TMEM248: variants seen among roughly 807,000 people sequenced by gnomAD.
TMEM248 encodes the protein transmembrane protein 248, also known as UPF0458 protein C7orf42.
A neutral mutation model predicts 30.3 loss-of-function variants in TMEM248; 9 were observed. That is an observed-to-expected ratio of 0.30 (90% CI 0.18 to 0.52). The LOEUF (loss-of-function observed/expected upper bound fraction) is 0.52, where lower values mean the gene tolerates loss of function less well. Ranked by LOEUF, TMEM248 falls within the 20% of genes least tolerant of loss-of-function variation. The pLI, the probability that TMEM248 is intolerant of heterozygous loss-of-function variation, is 0.97. For missense variants in TMEM248, 338 were observed against 403.3 expected (o/e 0.84, Z 1.39); for synonymous variants, 184 against 154.4 (o/e 1.19, Z -1.42).
chr7:66,940,769 A>T (rs1791925746), intron 1 of TMEM248, among the ~76,000 whole-genome samples: 1 of 152,206 alleles, frequency 6.6e-6, no homozygotes, highest in Admixed American at 6.5e-5. Context: ...CAGGGCTGGG[A>T]TGGCTGTGAG....
intron 1 of TMEM248, 82 bp from the exon 2 acceptor site, chr7:66,941,766 C>G (rs1791965699): frequency 7.5e-7 from 1 of 1,327,418 alleles, no homozygotes; most frequent in Non-Finnish European, 1.0e-6. Flanking sequence ...GCTCACCCCC[C>G]AACACCTCAA....
chr7:66,940,434 G>A (rs895952888), intron 1 of TMEM248, among the ~76,000 whole-genome samples: 6 of 152,184 alleles, frequency 3.9e-5, no homozygotes, highest in Non-Finnish European at 8.8e-5. Flanking sequence ...ATTCAAATAA[G>A]GAAGCTAAAT....
At chr7:66,927,219 T>C (rs1018481056) in intron 1 of TMEM248, among the ~76,000 whole-genome samples, 1 of 152,148 alleles carries the variant, frequency 6.6e-6, no homozygotes, top group Non-Finnish European at 1.5e-5. Context: ...TACCATGGTT[T>C]TATATCATGA....
At chr7:66,948,235 G>C (rs1182849842) in intron 3 of TMEM248, among the ~76,000 whole-genome samples, 1 of 152,222 alleles carries the variant, frequency 6.6e-6, no homozygotes, top group Non-Finnish European at 1.5e-5. Flanking sequence ...TGGCTAGACA[G>C]CTGTGCAGAA....
At chr7:66,954,857 G>A (rs574372818) in intron 6 of TMEM248, among the ~76,000 whole-genome samples, 17 of 152,148 alleles carry the variant, frequency 1.1e-4, no homozygotes, top group Non-Finnish European at 8.8e-5. Flanking sequence ...GCTATTAAAG[G>A]GAGTGACTTG....
chr7:66,931,143 A>T (rs1246278425), intron 1 of TMEM248, among the ~76,000 whole-genome samples: 1 of 152,000 alleles, frequency 6.6e-6, no homozygotes, highest in African/African-American at 2.4e-5. Context: ...TCTCTACTAA[A>T]AATATCAAAA....
At chr7:66,938,537 C>T (rs1791862589) in intron 1 of TMEM248, among the ~76,000 whole-genome samples, 1 of 152,130 alleles carries the variant, frequency 6.6e-6, no homozygotes, top group Non-Finnish European at 1.5e-5. Context: ...GAGATGGAGT[C>T]TCGCTCTATC....
chr7:66,953,308 C>A lies in TMEM248; in HGVS notation c.863C>A (p.Ala288Asp). The A allele has an allele frequency of 6.2e-7, 1 of 1,614,138 alleles. No individual in the cohort carries two copies. Among genetic ancestry groups the A allele is most frequent in the Non-Finnish European group, 8.5e-7 (1 of 1,180,016 alleles). Reference sequence around the variant, plus strand: ...ATGGTGATAACAATGTTTTGCTATGCTGTTATCAAGGGCAGACCTAGCAAA... The same window carrying A: ...ATGGTGATAACAATGTTTTGCTATGATGTTATCAAGGGCAGACCTAGCAAA... ...FVMVITMFCY[A>D]VIKGRPSKLR... Residue 288 changes from alanine to aspartate, a missense_variant, in exon 6 of 7, where the codon GCT becomes GAT. Transcript: ENST00000341567.
intron 1 of TMEM248, among the ~76,000 whole-genome samples, chr7:66,941,421 G>A (rs990368399): frequency 6.6e-6 from 1 of 151,658 alleles, no homozygotes; most frequent in African/African-American, 2.4e-5. Context: ...CGGGCATAGT[G>A]GTACACACCT....
At chr7:66,951,498 A>G (rs1229110556) in intron 5 of TMEM248, among the ~76,000 whole-genome samples, 1 of 152,128 alleles carries the variant, frequency 6.6e-6, no homozygotes, top group African/African-American at 2.4e-5. Flanking sequence ...CCGTGTGAAC[A>G]AGAAATAGTG....
rs752825967 is a variant in TMEM248, at chr7:66,941,848, G to T, written c.-18G>T. 1 of 1,599,192 alleles carries T rather than the reference G, an allele frequency of 6.3e-7. No homozygotes were observed. The highest frequency in any genetic ancestry group is 8.5e-7 in the Non-Finnish European group (1 of 1,170,616). ...GAAGCTTCTGATTCATTTCTTTCAG[G>T]TGGAGCTGATCAGAATAATGTTCAG... On this transcript the variant is annotated splice_region_variant and 5_prime_UTR_variant, in exon 2 of 7. Transcript: ENST00000341567.
At chr7:66,930,526 C>T (rs1791636653) in intron 1 of TMEM248, 1 of 152,186 alleles carries the variant, frequency 6.6e-6, no homozygotes, top group South Asian at 2.1e-4. Flanking sequence ...ACTGGAGCTC[C>T]AGCTTTGGAC....
At position 66,945,217 on chromosome 7, in the gene TMEM248, C is replaced by G. The variant is rs780921645; in HGVS notation, c.401C>G (p.Thr134Ser). ...TTCGGAGGGTATTCCCGCAACGTCA[C>G]CCATCTGTACTCAACCATCTTAGGG... ...KPFGGYSRNV[T>S]HLYSTILGHQ... Residue 134 changes from threonine (T) to serine (S), a missense_variant, in exon 3 of 7, where the codon ACC becomes AGC. Physicochemically the swap from Thr to Ser is moderately conservative, Grantham distance 58 (BLOSUM62 1). Coordinates refer to ENST00000341567, the MANE Select transcript of TMEM248 (RefSeq NM_017994.5). 10 of 1,614,098 alleles carry G rather than the reference C, an allele frequency of 6.2e-6. No homozygotes were observed. Among genetic ancestry groups the G allele is most frequent in the African/African-American group, 1.3e-5 (1 of 74,926 alleles).
intron 1 of TMEM248, among the ~76,000 whole-genome samples, chr7:66,931,345 G>GT (rs1791660932): frequency 7.1e-6 from 1 of 141,526 alleles, no homozygotes. Flanking sequence ...CTACAATAAA[G>GT]TTAGTTTAAA....
chr7:66,947,979 C>T (rs1049362502), intron 3 of TMEM248, among the ~76,000 whole-genome samples: 7 of 152,026 alleles, frequency 4.6e-5, no homozygotes, highest in African/African-American at 1.2e-4. Context: ...CGTGAATTCC[C>T]GGCCTCAAGC....
intron 1 of TMEM248, among the ~76,000 whole-genome samples, chr7:66,925,234 T>A (rs1244344622): frequency 6.6e-6 from 1 of 152,134 alleles, no homozygotes; most frequent in Non-Finnish European, 1.5e-5. Flanking sequence ...TTGCTCAGGC[T>A]GGTCTCAAAC....
At chr7:66,928,665 A>G (rs1791586139) in intron 1 of TMEM248, among the ~76,000 whole-genome samples, 1 of 152,174 alleles carries the variant, frequency 6.6e-6, no homozygotes, top group Non-Finnish European at 1.5e-5. Flanking sequence ...TTTTGCCTCT[A>G]TCACCCTAGT....
At chr7:66,941,247 G>A (rs991435532) in intron 1 of TMEM248, among the ~76,000 whole-genome samples, 6 of 152,024 alleles carry the variant, frequency 3.9e-5, no homozygotes, top group Admixed American at 1.3e-4. Context: ...TGGGTGTGGC[G>A]GCACATGCCT....
chr7:66,949,743 T>C (rs1792212640), intron 4 of TMEM248, among the ~76,000 whole-genome samples: 1 of 152,228 alleles, frequency 6.6e-6, no homozygotes, highest in Non-Finnish European at 1.5e-5. Flanking sequence ...AATTAAGGTT[T>C]TTGAAGCTTT....
Sources: gnomAD v4.1 joint callset for allele counts (sites outside exome capture counted in the v4.1 genomes callset) on GRCh38, gnomAD v4.1.1 for gene constraint, MANE v1.5 for transcripts, NCBI Gene and HGNC (gene_info 2026-07-23, HGNC 2026-07-21) for gene names.